ZNF407: variants seen among roughly 807,000 people sequenced by gnomAD.
ZNF407 encodes zinc finger protein 407.
ZNF407 carries 17 observed loss-of-function variants against 131.2 expected under a neutral mutation model. The observed-to-expected ratio is 0.13, with a 90% confidence interval of 0.09 to 0.19. The LOEUF is 0.19. ZNF407 is among the 10% of genes least tolerant of loss of function. The pLI is 1.00. For missense variants in ZNF407, 2,681 were observed against 2,830.6 expected (o/e 0.95, Z 1.20); for synonymous variants, 1,156 against 1,062.0 (o/e 1.09, Z -1.72).
At chr18:74,606,448 C>T (rs998773231) in intron 1 of ZNF407, among the ~76,000 whole-genome samples, 5 of 152,094 alleles carry the variant, frequency 3.3e-5, no homozygotes, top group African/African-American at 4.8e-5. Context: ...CGGGGTCTTG[C>T]CCAGGCTGAT....
At chr18:74,908,940 A>G (rs1971632129) in intron 7 of ZNF407, among the ~76,000 whole-genome samples, 1 of 152,096 alleles carries the variant, frequency 6.6e-6, no homozygotes, top group Non-Finnish European at 1.5e-5. Context: ...AATAAATGTA[A>G]TTAACTTCTT....
At chr18:74,608,685 C>T (rs898013523) in intron 1 of ZNF407, among the ~76,000 whole-genome samples, 3 of 152,134 alleles carry the variant, frequency 2.0e-5, no homozygotes, top group Admixed American at 2.0e-4. Flanking sequence ...GACTTTGATA[C>T]TTTTGAAGAA....
chr18:74,723,428 G>A (rs776954723), intron 3 of ZNF407, among the ~76,000 whole-genome samples: 4 of 152,070 alleles, frequency 2.6e-5, no homozygotes, highest in Non-Finnish European at 5.9e-5. Context: ...TCAAAGACTG[G>A]GTATGTTTTC....
At chr18:74,607,180 G>A (rs974157595) in intron 1 of ZNF407, among the ~76,000 whole-genome samples, 6 of 152,226 alleles carry the variant, frequency 3.9e-5, no homozygotes, top group Middle Eastern at 6.8e-3. Flanking sequence ...AATGTGTATC[G>A]GAGTCACCCA....
Position 74,635,275 on chromosome 18 carries a change from G to T in ZNF407, c.4256G>T (p.Cys1419Phe). 5 of 1,614,028 alleles carry T rather than the reference G, an allele frequency of 3.1e-6. No homozygotes were observed. The highest frequency in any genetic ancestry group is 4.2e-6 in the Non-Finnish European group (5 of 1,179,890). Reference sequence around the variant, plus strand: ...TCTACACGAATTCGCTGTGATGATTGTGGCTTCTTAGCAGATGGACTGAGT... The same window carrying T: ...TCTACACGAATTCGCTGTGATGATTTTGGCTTCTTAGCAGATGGACTGAGT... Reference protein sequence around the residue: ...GESTRIRCDDCGFLADGLSGL... With the variant: ...GESTRIRCDDFGFLADGLSGL... The change falls in exon 2 of 9, where the codon TGT becomes TTT. Residue 1419 changes from cysteine to phenylalanine, a missense_variant. Around this residue, in one of 6 missense-constraint regions of ZNF407, gnomAD observed 1,789 missense variants for 1,748.7 expected, o/e 1.02. Transcript: ENST00000299687. This position sits in a 1 kb window ranked among gnomAD's most constrained non-coding sequence, Gnocchi z 4.7.
intron 8 of ZNF407, among the ~76,000 whole-genome samples, chr18:74,939,073 A>C: frequency 6.6e-6 from 1 of 152,230 alleles, no homozygotes; most frequent in East Asian, 1.9e-4. Flanking sequence ...AGAGGGTAAT[A>C]AAGTATCTTA....
At chr18:74,902,456 C>A (rs1324141528) in intron 7 of ZNF407, among the ~76,000 whole-genome samples, 1 of 152,126 alleles carries the variant, frequency 6.6e-6, no homozygotes, top group African/African-American at 2.4e-5. Context: ...CTATATATTC[C>A]TTTAAAATAA....
intron 3 of ZNF407, among the ~76,000 whole-genome samples, chr18:74,761,376 G>T (rs1330138056): frequency 6.6e-6 from 1 of 151,710 alleles, no homozygotes; most frequent in Non-Finnish European, 1.5e-5. Context: ...TTTTATTTAG[G>T]TATACCATGA....
At chr18:74,922,611 G>A (rs1396617666) in intron 8 of ZNF407, among the ~76,000 whole-genome samples, 2 of 152,166 alleles carry the variant, frequency 1.3e-5, no homozygotes, top group African/African-American at 4.8e-5. Context: ...TCTGCAGAAA[G>A]GGGTTTGTGT....
intron 8 of ZNF407, among the ~76,000 whole-genome samples, chr18:74,991,029 A>G (rs2122137079): frequency 6.6e-6 from 1 of 152,312 alleles, no homozygotes; most frequent in Middle Eastern, 3.4e-3. Context: ...AAACTGGCAT[A>G]CACCCAGGGG....
chr18:74,653,378 C>T (rs950525800), intron 3 of ZNF407, among the ~76,000 whole-genome samples: 1 of 151,778 alleles, frequency 6.6e-6, no homozygotes, highest in Non-Finnish European at 1.5e-5. Context: ...CATTTGCCAA[C>T]TGAAGTTAGT....
chr18:74,986,531 T>C (rs919083959), intron 8 of ZNF407, among the ~76,000 whole-genome samples: 10 of 152,342 alleles, frequency 6.6e-5, no homozygotes, highest in East Asian at 5.8e-4. Flanking sequence ...AGCCATTGAA[T>C]AGTAGCCCCC....
intron 3 of ZNF407, among the ~76,000 whole-genome samples, chr18:74,671,956 T>C (rs1401836038): frequency 6.6e-6 from 1 of 151,824 alleles, no homozygotes; most frequent in Non-Finnish European, 1.5e-5. Context: ...TTATCCAGTC[T>C]GTCACCCATG....
intron 8 of ZNF407, among the ~76,000 whole-genome samples, chr18:74,963,262 A>G (rs1380217853): frequency 6.6e-6 from 1 of 151,252 alleles, no homozygotes; most frequent in Non-Finnish European, 1.5e-5. Flanking sequence ...GACTTTTCAC[A>G]TTATTTGTAA....
At chr18:74,932,085 A>G (rs1035367286) in intron 8 of ZNF407, among the ~76,000 whole-genome samples, 1 of 150,640 alleles carries the variant, frequency 6.6e-6, no homozygotes, top group African/African-American at 2.4e-5. Context: ...TTTTGATACA[A>G]TATCTTCTAA....
At chr18:74,599,060 A>T (rs1191788981) in intron 1 of ZNF407, among the ~76,000 whole-genome samples, 1 of 152,206 alleles carries the variant, frequency 6.6e-6, no homozygotes, top group Admixed American at 6.5e-5. Context: ...CATTTAGAAC[A>T]CTGTAGACAG....
chr18:74,715,383 T>A lies in ZNF407; in HGVS notation c.4803-66045T>A, dbSNP rs946775923. Reference sequence around the variant, plus strand: ...CTGGGTATTGTGCCAGACTCTGGCATATTGTGGCGAAAGGTATATTTCTTT... The same window carrying A: ...CTGGGTATTGTGCCAGACTCTGGCAAATTGTGGCGAAAGGTATATTTCTTT... On this transcript the variant is annotated intron_variant, in intron 3 of 8. Coordinates refer to ENST00000299687, the MANE Select transcript of ZNF407 (RefSeq NM_017757.3). Among the ~76,000 whole-genome samples the A allele has an allele frequency of 2.0e-5, 3 of 152,244 alleles. No homozygotes were observed. The East Asian group carries it at 5.8e-4, about 29-fold the overall frequency.
intron 8 of ZNF407, among the ~76,000 whole-genome samples, chr18:75,016,689 T>C (rs1482852615): frequency 1.3e-5 from 2 of 152,200 alleles, no homozygotes; most frequent in Non-Finnish European, 1.5e-5. Flanking sequence ...TGAGTAATTT[T>C]AATAGTGAAC....
intron 4 of ZNF407, among the ~76,000 whole-genome samples, chr18:74,863,950 G>GT (rs1285009225): frequency 1.3e-5 from 2 of 151,414 alleles, no homozygotes; most frequent in South Asian, 2.1e-4. Context: ...TTGTTTTTTT[G>GT]TTTTTTTAAC....
Sources: allele counts gnomAD v4.1 joint callset (sites outside exome capture counted in the v4.1 genomes callset), GRCh38; gene constraint gnomAD v4.1.1; regional missense constraint gnomAD v4.1.1; non-coding constraint Gnocchi (gnomAD v3.1); transcripts MANE v1.5; gene names NCBI Gene and HGNC (gene_info 2026-07-23, HGNC 2026-07-21).